Variants in KCND2 observed in about 807,000 individuals in gnomAD.
KCND2 encodes the protein potassium voltage-gated channel subfamily D member 2.
Under a neutral mutation model 54.4 loss-of-function variants are expected in KCND2, and 16 were observed. The ratio of observed to expected loss-of-function variants is 0.29; its 90% confidence interval spans 0.20 to 0.45. The LOEUF is 0.45. KCND2 is among the 20% of genes least tolerant of loss of function. The probability of loss-of-function intolerance (pLI) is 1.00; values close to 1 mark genes in which losing one functional copy is unlikely to be tolerated. For synonymous variants in KCND2, 317 were observed against 310.7 expected (o/e 1.02, Z -0.21); for missense variants, 486 against 824.2 (o/e 0.59, Z 5.02).
intron 1 of KCND2, among the ~76,000 whole-genome samples, chr7:120,434,042 GC>G (rs1422745639): frequency 6.6e-6 from 1 of 152,128 alleles, no homozygotes; most frequent in Admixed American, 6.6e-5. Context: ...AATTTTAAGT[GC>G]CCTAGTGTAA....
chr7:120,449,532 TTTA>T (rs1351669644), intron 1 of KCND2, among the ~76,000 whole-genome samples: 1 of 152,120 alleles, frequency 6.6e-6, no homozygotes, highest in Non-Finnish European at 1.5e-5. Context: ...AAAACATTGG[TTTA>T]TTAGGAGAGA....
intron 1 of KCND2, among the ~76,000 whole-genome samples, chr7:120,691,791 T>C (rs1792272360): frequency 6.6e-6 from 1 of 152,004 alleles, no homozygotes; most frequent in Admixed American, 6.6e-5. Context: ...AGAGAAATGG[T>C]GCTGATACTG....
At chr7:120,733,882 C>G (rs1239574844) in intron 2 of KCND2, among the ~76,000 whole-genome samples, 11 of 152,022 alleles carry the variant, frequency 7.2e-5, no homozygotes, top group Admixed American at 7.2e-4. Flanking sequence ...ATAAACACAT[C>G]ATATTATCAA....
intron 1 of KCND2, among the ~76,000 whole-genome samples, chr7:120,489,746 C>G (rs1237471889): frequency 6.6e-6 from 1 of 152,052 alleles, no homozygotes; most frequent in Non-Finnish European, 1.5e-5. Context: ...ACTTCATGCC[C>G]CATCCTGAAG....
At chr7:120,703,481 C>T (rs1171772729) in intron 1 of KCND2, among the ~76,000 whole-genome samples, 3 of 152,110 alleles carry the variant, frequency 2.0e-5, no homozygotes, top group African/African-American at 4.8e-5. Flanking sequence ...TAATTGGGAG[C>T]GATGTGGCTA....
intron 2 of KCND2, among the ~76,000 whole-genome samples, chr7:120,737,141 C>G (rs1792885044): frequency 6.6e-6 from 1 of 150,964 alleles, no homozygotes; most frequent in African/African-American, 2.4e-5. Flanking sequence ...TCATCAGACT[C>G]TGTAGTTTTG....
intron 1 of KCND2, among the ~76,000 whole-genome samples, chr7:120,343,419 G>A (rs1800270423): frequency 6.6e-6 from 1 of 152,126 alleles, no homozygotes; most frequent in African/African-American, 2.4e-5. Context: ...CACTTTGGTG[G>A]ACTATCAGAG....
intron 1 of KCND2, among the ~76,000 whole-genome samples, chr7:120,423,148 A>G (rs533380878): frequency 5.3e-5 from 8 of 152,296 alleles, no homozygotes; most frequent in African/African-American, 1.9e-4. Context: ...TTTTGATACC[A>G]AAGGGAGGGC....
intron 1 of KCND2, among the ~76,000 whole-genome samples, chr7:120,334,115 G>A (rs901273396): frequency 6.6e-6 from 1 of 152,090 alleles, no homozygotes. Flanking sequence ...TCTGTAAGAG[G>A]AACATAAGAA....
intron 1 of KCND2, among the ~76,000 whole-genome samples, chr7:120,365,658 T>G (rs1208139367): frequency 1.3e-5 from 2 of 152,110 alleles, no homozygotes; most frequent in Non-Finnish European, 2.9e-5. Flanking sequence ...AATATTGAGA[T>G]GTCAATCGTA....
chr7:120,745,857 C>T lies in KCND2; in HGVS notation c.1545C>T (p.His515=). Residue 515 remains histidine, a synonymous_variant, in exon 5 of 6, where the codon CAC becomes CAT. Coordinates refer to ENST00000331113, the MANE Select transcript of KCND2 (RefSeq NM_012281.3). ...CAACTGTTAATCGTCCTTCAAGTCACAGTCCTTCACTGTCTTCACAACAAG... is the reference window on the plus strand; with the variant it reads ...CAACTGTTAATCGTCCTTCAAGTCATAGTCCTTCACTGTCTTCACAACAAG... ...EVATVNRPSS[H]SPSLSSQQGV... is the part of the protein sequence containing the mutation. 1.2e-6 allele frequency: 2 copies of T among 1,613,884 alleles called. No homozygotes were observed. The highest frequency in any genetic ancestry group is 1.7e-6 in the Non-Finnish European group (2 of 1,179,832).
intron 1 of KCND2, among the ~76,000 whole-genome samples, chr7:120,368,754 T>C (rs2116412357): frequency 6.6e-6 from 1 of 152,202 alleles, no homozygotes; most frequent in South Asian, 2.1e-4. Flanking sequence ...GAAATAATTA[T>C]TGTCATCCAT....
At chr7:120,421,171 A>G (rs1432578513) in intron 1 of KCND2, among the ~76,000 whole-genome samples, 1 of 152,230 alleles carries the variant, frequency 6.6e-6, no homozygotes, top group African/African-American at 2.4e-5. Context: ...ACTTCTGTTA[A>G]TGTCAGATAT....
intron 1 of KCND2, among the ~76,000 whole-genome samples, chr7:120,452,744 C>G (rs891944564): frequency 3.3e-4 from 50 of 152,162 alleles, no homozygotes; most frequent in Non-Finnish European, 5.0e-4. Context: ...GTGAAGAGCA[C>G]AGAGGGTTTG....
chr7:120,498,223 T>C (rs1290883656), intron 1 of KCND2, among the ~76,000 whole-genome samples: 3 of 152,226 alleles, frequency 2.0e-5, no homozygotes, highest in Non-Finnish European at 4.4e-5. Context: ...GCTAACAGCC[T>C]GTAATCCCAG....
At chr7:120,737,337 T>C (rs1792888649) in intron 2 of KCND2, among the ~76,000 whole-genome samples, 1 of 151,826 alleles carries the variant, frequency 6.6e-6, no homozygotes, top group Non-Finnish European at 1.5e-5. Flanking sequence ...ATCTCTTAGG[T>C]TATCTACTGT....
intron 1 of KCND2, among the ~76,000 whole-genome samples, chr7:120,385,333 G>T (rs577231947): frequency 9.9e-5 from 15 of 151,862 alleles, no homozygotes; most frequent in Non-Finnish European, 1.9e-4. Flanking sequence ...CCATCATTTC[G>T]TAAAGATGAA....
intron 1 of KCND2, among the ~76,000 whole-genome samples, chr7:120,302,558 A>G (rs1799602117): frequency 6.6e-6 from 1 of 152,204 alleles, no homozygotes; most frequent in African/African-American, 2.4e-5. Context: ...GGCATAAGCC[A>G]CTGTGCCTGG....
chr7:120,718,200 A>G (rs1402808242), intron 1 of KCND2, among the ~76,000 whole-genome samples: 3 of 152,178 alleles, frequency 2.0e-5, no homozygotes, highest in African/African-American at 4.8e-5. Context: ...GAAGAAATAC[A>G]TTTTACAGTA....
Sources: gnomAD v4.1 joint callset for allele counts (sites outside exome capture counted in the v4.1 genomes callset) on GRCh38, gnomAD v4.1.1 for gene constraint, MANE v1.5 for transcripts, NCBI Gene and HGNC (gene_info 2026-07-23, HGNC 2026-07-21) for gene names.